Variants in HTR7 observed in about 807,000 individuals in gnomAD.
HTR7 encodes 5-HT-7.
A neutral mutation model predicts 34.0 loss-of-function variants in HTR7; 16 were observed. That is an observed-to-expected ratio of 0.47 (90% confidence interval 0.32 to 0.71). The LOEUF (loss-of-function observed/expected upper bound fraction) is 0.71. Ranked by LOEUF, HTR7 falls within the 30% of genes least tolerant of loss-of-function variation. The pLI is 0.04. For synonymous variants in HTR7, 265 were observed against 260.2 expected (o/e 1.02, Z -0.18); for missense variants, 504 against 625.5 (o/e 0.81, Z 2.07).
At chr10:90,744,577 T>G (rs1589432531) in intron 2 of HTR7, among the ~76,000 whole-genome samples, 1 of 65,744 alleles carries the variant, frequency 1.5e-5, no homozygotes. Context: ...ACTTCTTTGT[T>G]GGGGGGTGGG....
intron 1 of HTR7, among the ~76,000 whole-genome samples, chr10:90,752,196 GA>G (rs201014581): frequency 0.013 from 1,920 of 151,458 alleles, 41 homozygotes; most frequent in African/African-American, 0.043. Context: ...AATATTACTA[GA>G]AAAAAAATGA....
intron 1 of HTR7, among the ~76,000 whole-genome samples, chr10:90,801,266 T>C (rs1207807867): frequency 6.6e-6 from 1 of 152,168 alleles, no homozygotes; most frequent in Non-Finnish European, 1.5e-5. Flanking sequence ...CTCAGAGATC[T>C]CAACTATATG....
At chr10:90,784,993 T>C (rs1370253277) in intron 1 of HTR7, among the ~76,000 whole-genome samples, 2 of 152,336 alleles carry the variant, frequency 1.3e-5, no homozygotes, top group Non-Finnish European at 2.9e-5. Context: ...ATTTTTTAGA[T>C]ATCAGCTAGG....
rs142168838 is a variant in HTR7, at chr10:90,770,667, G to A, written c.540-21073C>T. 3.1e-4 allele frequency among the ~76,000 whole-genome samples: 47 copies of A among 152,332 alleles called. 1 individual carries two copies. Among genetic ancestry groups the A allele is most frequent in the Middle Eastern group, 3.4e-3 (1 of 294 alleles). ...TGACATGCCAGCCCCCTGTCGCCCT[G>A]GCCCTCTCTAGACATTGGGCACCAA... On this transcript the variant is annotated intron_variant, in intron 1 of 3. Transcript: ENST00000336152.
At chr10:90,775,992 T>C (rs962133773) in intron 1 of HTR7, among the ~76,000 whole-genome samples, 2 of 152,248 alleles carry the variant, frequency 1.3e-5, no homozygotes, top group African/African-American at 4.8e-5. Flanking sequence ...ATCCTAAATA[T>C]AATTTCCACA....
chr10:90,787,678 AAATTGTAAATGAATGAGG>A (rs1177287050), intron 1 of HTR7, among the ~76,000 whole-genome samples: 7 of 152,078 alleles, frequency 4.6e-5, no homozygotes, highest in African/African-American at 1.7e-4. Flanking sequence ...TAGAGATGAG[AAATTGTAAATGAATGAGG>A]AATTGTAAAT....
At chr10:90,755,023 C>T (rs1207485053) in intron 1 of HTR7, among the ~76,000 whole-genome samples, 1 of 152,174 alleles carries the variant, frequency 6.6e-6, no homozygotes, top group East Asian at 1.9e-4. Context: ...GATTCCCAAG[C>T]CACTATTCTC....
rs138717309 is a variant in HTR7 at position 90,795,752 on chromosome 10, T to G, written c.540-46158A>C. Among the ~76,000 whole-genome samples, 178 of 152,238 alleles carry G rather than the reference T, an allele frequency of 1.2e-3. 1 individual carries two copies. The highest frequency in any genetic ancestry group is 8.3e-3 in the East Asian group (43 of 5,190). On this transcript the variant is annotated intron_variant, in intron 1 of 3. Coordinates refer to ENST00000336152, the MANE Select transcript of HTR7 (RefSeq NM_019859.4). Reference sequence around the variant, plus strand: ...TGGGGTACAGCTTGCCTTTATACATTAAGGAAGACATAACACATCAATCAA... The same window carrying G: ...TGGGGTACAGCTTGCCTTTATACATGAAGGAAGACATAACACATCAATCAA...
chr10:90,776,151 T>C (rs1845204978), intron 1 of HTR7, among the ~76,000 whole-genome samples: 2 of 152,216 alleles, frequency 1.3e-5, no homozygotes, highest in South Asian at 4.1e-4. Flanking sequence ...GCCTACCATA[T>C]AGGATATGGC....
intron 1 of HTR7, among the ~76,000 whole-genome samples, chr10:90,768,246 C>A (rs771936660): frequency 1.3e-5 from 2 of 152,002 alleles, no homozygotes; most frequent in Non-Finnish European, 2.9e-5. Flanking sequence ...TCTCTGTCCG[C>A]AAGTATTGCA....
chr10:90,747,196 G>A (rs1844653440), intron 2 of HTR7, among the ~76,000 whole-genome samples: 1 of 152,210 alleles, frequency 6.6e-6, no homozygotes, highest in East Asian at 1.9e-4. Flanking sequence ...TGCATAGCAT[G>A]TAGCGGGTGT....
chr10:90,832,481 G>A (rs1480094285), intron 1 of HTR7, among the ~76,000 whole-genome samples: 5 of 152,140 alleles, frequency 3.3e-5, no homozygotes, highest in African/African-American at 7.2e-5. Context: ...GTGCGGGCCC[G>A]CCAAGCCCAC....
At chr10:90,843,868 T>C (rs1332837322) in intron 1 of HTR7, among the ~76,000 whole-genome samples, 3 of 152,190 alleles carry the variant, frequency 2.0e-5, no homozygotes, top group Non-Finnish European at 4.4e-5. Context: ...TATTTTTAAG[T>C]AGTTGAAAAA....
chr10:90,765,137 C>T (rs1016574441), intron 1 of HTR7, among the ~76,000 whole-genome samples: 5 of 152,176 alleles, frequency 3.3e-5, no homozygotes, highest in African/African-American at 4.8e-5. Flanking sequence ...TGGGTAGATT[C>T]CCCAGTGAAG....
chr10:90,782,671 A>G (rs113374138), intron 1 of HTR7, among the ~76,000 whole-genome samples: 2,601 of 152,286 alleles, frequency 0.017, 87 homozygotes, highest in African/African-American at 0.058. Flanking sequence ...GACTCAACAA[A>G]GATCTTCCAA....
intron 1 of HTR7, among the ~76,000 whole-genome samples, chr10:90,802,996 C>CTTTTTTT (rs35715510): frequency 5.2e-4 from 46 of 89,012 alleles, no homozygotes; most frequent in African/African-American, 1.9e-3. Context: ...CATTTGTGGC[C>CTTTTTTT]TTTTTTTTTT....
At chr10:90,802,054 T>G (rs543304891) in intron 1 of HTR7, among the ~76,000 whole-genome samples, 1 of 152,326 alleles carries the variant, frequency 6.6e-6, no homozygotes, top group African/African-American at 2.4e-5. Context: ...CTAGAATCCC[T>G]ATAAGCCTGC....
intron 1 of HTR7, among the ~76,000 whole-genome samples, chr10:90,784,725 T>G (rs1322375175): frequency 6.6e-6 from 1 of 152,216 alleles, no homozygotes; most frequent in African/African-American, 2.4e-5. Flanking sequence ...TTATCCTATG[T>G]GGAGCCAACA....
chr10:90,758,302 G>A (rs1258155764), intron 1 of HTR7, among the ~76,000 whole-genome samples: 1 of 119,450 alleles, frequency 8.4e-6, no homozygotes, highest in African/African-American at 3.2e-5. Context: ...CAGAGATCGT[G>A]CCACTGCACT....
Sources: allele counts gnomAD v4.1 joint callset (sites outside exome capture counted in the v4.1 genomes callset), GRCh38; gene constraint gnomAD v4.1.1; transcripts MANE v1.5; gene names NCBI Gene and HGNC (gene_info 2026-07-23, HGNC 2026-07-21).